BRD3: variants seen among roughly 807,000 people sequenced by gnomAD.
The protein encoded by BRD3 is bromodomain-containing protein 3.
BRD3 carries 17 observed loss-of-function variants against 66.8 expected under a neutral mutation model. The observed-to-expected ratio is 0.25, with a 90% CI of 0.17 to 0.38. The LOEUF is 0.38. BRD3 is among the 10% of genes least tolerant of loss of function. The probability of loss-of-function intolerance (pLI) is 1.00; values close to 1 mark genes in which losing one functional copy is unlikely to be tolerated. For missense variants in BRD3, 713 were observed against 956.1 expected (o/e 0.75, Z 3.35); for synonymous variants, 421 against 393.2 (o/e 1.07, Z -0.84).
At chr9:134,059,630 C>T (rs1301362990) in intron 1 of BRD3, among the ~76,000 whole-genome samples, 1 of 152,216 alleles carries the variant, frequency 6.6e-6, no homozygotes, top group Non-Finnish European at 1.5e-5. Context: ...GGCCCCACAC[C>T]ACAGGGACCC....
intron 1 of BRD3, among the ~76,000 whole-genome samples, chr9:134,066,983 GGCCCT>G (rs1440672877): frequency 1.3e-5 from 2 of 151,640 alleles, no homozygotes; most frequent in Non-Finnish European, 2.9e-5. Flanking sequence ...CCCCCATCCC[GGCCCT>G]GCCCCCGAAC....
intron 1 of BRD3, among the ~76,000 whole-genome samples, chr9:134,064,715 A>C (rs898741120): frequency 6.6e-6 from 1 of 152,144 alleles, no homozygotes; most frequent in East Asian, 1.9e-4. Flanking sequence ...ACAAACAAAC[A>C]AACAAATAAG....
At chr9:134,036,452 C>T (rs1258669672) in intron 9 of BRD3, 128 bp from the exon 10 acceptor site, 6 of 1,577,636 alleles carry the variant, frequency 3.8e-6, no homozygotes, top group South Asian at 2.3e-5. Flanking sequence ...CAAAGTGGTG[C>T]CCCAAGGCAG....
intron 6 of BRD3, among the ~76,000 whole-genome samples, chr9:134,046,960 T>A (rs1346586124): frequency 3.9e-5 from 6 of 152,194 alleles, no homozygotes; most frequent in Non-Finnish European, 8.8e-5. Flanking sequence ...AAATTCCTGT[T>A]AACTGTGCTA....
chr9:134,040,293 C>A (rs1453185224), intron 8 of BRD3, 24 bp from the exon 9 acceptor site: 3 of 1,580,624 alleles, frequency 1.9e-6, no homozygotes, highest in Non-Finnish European at 2.6e-6. Context: ...GGCGGCTGAG[C>A]AGGTGCTGGG....
intron 5 of BRD3, among the ~76,000 whole-genome samples, chr9:134,049,957 AGCCCACAGGCGGG>A (rs1830254524): frequency 6.6e-6 from 1 of 152,130 alleles, no homozygotes; most frequent in South Asian, 2.1e-4. Flanking sequence ...TCCCATGTGG[AGCCCACAGGCGGG>A]GCCAGCTTGG....
intron 3 of BRD3, 60 bp downstream of exon 3, chr9:134,052,246 T>C: frequency 8.2e-6 from 13 of 1,588,908 alleles, no homozygotes; most frequent in South Asian, 1.1e-5. Flanking sequence ...CCAGGCCCAC[T>C]GCGTTGCACA....
Position 134,045,209 on chromosome 9 carries a change from C to G in BRD3, c.1215+84G>C. 2 of 1,557,958 alleles carry G rather than the reference C, an allele frequency of 1.3e-6. No homozygotes were observed. Among genetic ancestry groups the G allele is most frequent in the Non-Finnish European group, 1.7e-6 (2 of 1,144,688 alleles). On this transcript the variant is annotated intron_variant, in intron 7 of 11. Transcript: ENST00000303407. The surrounding 1 kb of genome is among the most constrained non-coding windows in gnomAD (Gnocchi z 4.8). ...CTAAGGCCTTCCTCGGCTGGACATT[C>G]ACCTGGGCGCTTACCCCACACTGAG...
intron 6 of BRD3, among the ~76,000 whole-genome samples, chr9:134,047,549 G>A (rs1488461661): frequency 6.6e-6 from 1 of 152,204 alleles, no homozygotes; most frequent in African/African-American, 2.4e-5. Context: ...GCCGCCTTGA[G>A]AAGACTGGCA....
At chr9:134,055,493 G>C (rs1464473921) in intron 1 of BRD3, among the ~76,000 whole-genome samples, 1 of 152,212 alleles carries the variant, frequency 6.6e-6, no homozygotes, top group East Asian at 1.9e-4. Flanking sequence ...AGGCAGCACA[G>C]ACACTGGGGC....
At chr9:134,059,470 C>T (rs971130903) in intron 1 of BRD3, among the ~76,000 whole-genome samples, 2 of 152,238 alleles carry the variant, frequency 1.3e-5, no homozygotes, top group Non-Finnish European at 2.9e-5. Flanking sequence ...CCAGAGACCC[C>T]AGTGCCTTAA....
intron 2 of BRD3, among the ~76,000 whole-genome samples, chr9:134,053,057 T>G (rs1455562078): frequency 2.6e-5 from 4 of 152,330 alleles, no homozygotes; most frequent in Middle Eastern, 3.4e-3. Flanking sequence ...CCCTATTTCC[T>G]GCACCTGGGG....
intron 9 of BRD3, among the ~76,000 whole-genome samples, chr9:134,038,558 G>T (rs1829976548): frequency 6.6e-6 from 1 of 152,090 alleles, no homozygotes; most frequent in African/African-American, 2.4e-5. Flanking sequence ...CCAAAGTGCT[G>T]GGGTTACAGG....
At chr9:134,050,747 T>C (rs1186873957) in intron 4 of BRD3, among the ~76,000 whole-genome samples, 159 bp from the exon 5 acceptor site, 2 of 152,052 alleles carry the variant, frequency 1.3e-5, no homozygotes, top group East Asian at 3.9e-4. Flanking sequence ...CCATCCTGCA[T>C]CTTGGGGGCA....
chr9:134,060,897 T>C (rs775342219), intron 1 of BRD3, among the ~76,000 whole-genome samples: 2 of 152,172 alleles, frequency 1.3e-5, no homozygotes, highest in African/African-American at 2.4e-5. Flanking sequence ...TTCCTCTCCA[T>C]AGGGCACAGG....
chr9:134,044,598 A>G (rs555163602), intron 7 of BRD3, among the ~76,000 whole-genome samples: 1 of 152,192 alleles, frequency 6.6e-6, no homozygotes, highest in South Asian at 2.1e-4. Flanking sequence ...CAATTAGAGA[A>G]GGTAAGAATA....
rs200925930 is a variant in BRD3 at position 134,034,706 on chromosome 9, C to T, written c.2060G>A (p.Arg687Gln). ...ACAGCGGCCGCCAGCGGTACCTTTC[C>T]GGGCGGGCTTCTTGCTGCTGCTCAG... Reference protein sequence around the residue: ...GQLSSSKKPARKEKPGSAPSG... With the variant: ...GQLSSSKKPAQKEKPGSAPSG... Residue 687 changes from arginine (R) to glutamine (Q), a missense_variant, in exon 11 of 12, where the codon CGG becomes CAG. Arg to Gln is a conservative substitution (Grantham distance 43). Around this residue, in one of 5 missense-constraint regions of BRD3, gnomAD observed 42 missense variants for 29.2 expected, o/e 1.44. Coordinates refer to ENST00000303407, the MANE Select transcript of BRD3 (RefSeq NM_007371.4). 1.9e-5 allele frequency: 30 copies of T among 1,604,504 alleles called. No homozygotes were observed. The highest frequency in any genetic ancestry group is 6.7e-5 in the East Asian group (3 of 44,892).
At chr9:134,039,730 C>A (rs1252473043) in intron 9 of BRD3, among the ~76,000 whole-genome samples, 1 of 152,244 alleles carries the variant, frequency 6.6e-6, no homozygotes, top group Non-Finnish European at 1.5e-5. Context: ...TTCAACTCCC[C>A]CTAGTCAAGA....
At chr9:134,044,461 A>G (rs895452516) in intron 7 of BRD3, among the ~76,000 whole-genome samples, 3 of 152,212 alleles carry the variant, frequency 2.0e-5, no homozygotes, top group Admixed American at 1.3e-4. Context: ...GGGTCCCGTG[A>G]AAAGGAAAAG....
Sources: allele counts gnomAD v4.1 joint callset (sites outside exome capture counted in the v4.1 genomes callset), GRCh38; gene constraint gnomAD v4.1.1; regional missense constraint gnomAD v4.1.1; non-coding constraint Gnocchi (gnomAD v3.1); transcripts MANE v1.5; gene names NCBI Gene and HGNC (gene_info 2026-07-23, HGNC 2026-07-21).